The following ATP13A5 variants were observed in gnomAD, a reference collection of about 807,000 sequenced individuals.
The protein encoded by ATP13A5 is ATPase 13A5.
In ATP13A5, 149 loss-of-function variants were observed where a neutral mutation model predicts 150.2. That is an observed-to-expected ratio of 0.99 (90% CI 0.87 to 1.14). The LOEUF (loss-of-function observed/expected upper bound fraction) is 1.14, where lower values mean the gene tolerates loss of function less well. Among genes scored for constraint, ATP13A5 ranks in the 50% most tolerant of loss-of-function variants. The pLI is 0.00. For missense variants in ATP13A5, 1,383 were observed against 1,449.3 expected, an observed-to-expected ratio of 0.95 and a Z score of 0.74; for synonymous variants, 497 against 522.2, an observed-to-expected ratio of 0.95 and a Z score of 0.66.
chr3:193,309,398 C>T (rs1345186040), intron 21 of ATP13A5, among the ~76,000 whole-genome samples: 4 of 152,174 alleles, frequency 2.6e-5, no homozygotes, highest in Admixed American at 6.5e-5. Context: ...CTGCTACATC[C>T]AAGCATGGGA....
At chr3:193,330,823 A>T (rs1367507797) in intron 12 of ATP13A5, among the ~76,000 whole-genome samples, 1 of 152,246 alleles carries the variant, frequency 6.6e-6, no homozygotes, top group Non-Finnish European at 1.5e-5. Context: ...CTGCCAAGTC[A>T]GTCAGTCTAA....
At chr3:193,376,344 G>A (rs542885733) in intron 1 of ATP13A5, among the ~76,000 whole-genome samples, 5 of 152,196 alleles carry the variant, frequency 3.3e-5, no homozygotes, top group Admixed American at 1.3e-4. Flanking sequence ...GCCCTCACAT[G>A]GTAGAAGGGA....
intron 14 of ATP13A5, 74 bp from the exon 15 acceptor site, chr3:193,322,648 A>G: frequency 9.3e-7 from 1 of 1,075,952 alleles, no homozygotes; most frequent in Non-Finnish European, 1.4e-6. Flanking sequence ...TTATTTGCAC[A>G]ATACTTTAAT....
intron 21 of ATP13A5, 49 bp from the exon 22 acceptor site, chr3:193,307,418 C>T: frequency 1.9e-6 from 3 of 1,600,038 alleles, no homozygotes; most frequent in South Asian, 1.1e-5. Flanking sequence ...AAATGAACAG[C>T]TCACTTGAAT....
intron 17 of ATP13A5, among the ~76,000 whole-genome samples, chr3:193,315,805 A>G (rs1453880885): frequency 6.6e-6 from 1 of 152,172 alleles, no homozygotes; most frequent in Non-Finnish European, 1.5e-5. Flanking sequence ...CTGTGAAGCC[A>G]TTACCATAAT....
chr3:193,368,330 C>T (rs902615479), intron 1 of ATP13A5, among the ~76,000 whole-genome samples: 2 of 151,248 alleles, frequency 1.3e-5, no homozygotes, highest in Admixed American at 6.6e-5. Context: ...CCTAAATAAA[C>T]GAAGAGCTGT....
At chr3:193,293,784 T>A (rs1021353667) in intron 25 of ATP13A5, among the ~76,000 whole-genome samples, 1 of 152,086 alleles carries the variant, frequency 6.6e-6, no homozygotes. Context: ...GTTTGTATTT[T>A]CCATCAGATT....
At chr3:193,310,765 T>G in intron 20 of ATP13A5, 48 bp from the exon 21 acceptor site, 1 of 1,473,114 alleles carries the variant, frequency 6.8e-7, no homozygotes, top group Non-Finnish European at 9.3e-7. Flanking sequence ...AGAAGAAAAC[T>G]TTTAAAAATA....
At chr3:193,361,349 A>C (rs1228022740) in intron 5 of ATP13A5, among the ~76,000 whole-genome samples, 1 of 152,224 alleles carries the variant, frequency 6.6e-6, no homozygotes, top group South Asian at 2.1e-4. Context: ...CTTATAAACA[A>C]CAGATCAGTA....
At chr3:193,343,319 A>T (rs983683279) in intron 9 of ATP13A5, among the ~76,000 whole-genome samples, 1 of 152,202 alleles carries the variant, frequency 6.6e-6, no homozygotes, top group South Asian at 2.1e-4. Context: ...ATTCAAGTAG[A>T]CTTAACAAAG....
intron 1 of ATP13A5, among the ~76,000 whole-genome samples, chr3:193,376,192 C>T (rs572693547): frequency 3.9e-5 from 6 of 152,312 alleles, no homozygotes; most frequent in Admixed American, 3.9e-4. Context: ...TTTCTGGCTT[C>T]CCTCGATTTA....
chr3:193,326,879 G>T, intron 13 of ATP13A5, 117 bp downstream of exon 13: 1 of 864,284 alleles, frequency 1.2e-6, no homozygotes, highest in Non-Finnish European at 1.9e-6. Flanking sequence ...ACTAGTTCCA[G>T]CCAACTATTG....
intron 12 of ATP13A5, among the ~76,000 whole-genome samples, chr3:193,329,767 C>T (rs1409205395): frequency 6.6e-6 from 1 of 152,154 alleles, no homozygotes; most frequent in African/African-American, 2.4e-5. Context: ...TCATTGGAGT[C>T]ACTCCCATTT....
At chr3:193,289,435 C>A (rs1249981423) in intron 26 of ATP13A5, among the ~76,000 whole-genome samples, 1 of 152,114 alleles carries the variant, frequency 6.6e-6, no homozygotes, top group Admixed American at 6.6e-5. Context: ...AAATCTGATT[C>A]ATCACCTGAT....
intron 17 of ATP13A5, among the ~76,000 whole-genome samples, chr3:193,315,353 ATCTTCCAAC>A (rs1356755362): frequency 1.3e-5 from 2 of 152,174 alleles, no homozygotes; most frequent in Non-Finnish European, 2.9e-5. Context: ...CAATGTGCTT[ATCTTCCAAC>A]TCTTCTGTTG....
chr3:193,279,335 C>A, intron 28 of ATP13A5, 31 bp downstream of exon 28: 2 of 1,515,136 alleles, frequency 1.3e-6, no homozygotes, highest in South Asian at 2.3e-5. Context: ...GTACATGAGT[C>A]ATGCCAGATG....
intron 25 of ATP13A5, among the ~76,000 whole-genome samples, chr3:193,292,172 G>A (rs186805325): frequency 2.6e-5 from 4 of 152,192 alleles, no homozygotes; most frequent in African/African-American, 9.6e-5. Flanking sequence ...ACACAGTGTG[G>A]ACTGTGATCA....
At chr3:193,347,058 C>G (rs1241032902) in intron 7 of ATP13A5, among the ~76,000 whole-genome samples, 1 of 152,080 alleles carries the variant, frequency 6.6e-6, no homozygotes, top group Admixed American at 6.6e-5. Flanking sequence ...TGTAAACAGA[C>G]AACATTGAAT....
intron 18 of ATP13A5, 151 bp downstream of exon 18, chr3:193,314,821 A>G: frequency 3.2e-6 from 3 of 936,716 alleles, no homozygotes; most frequent in Non-Finnish European, 4.8e-6. Flanking sequence ...GGGCAGCTGC[A>G]CATGTTTTTA....
Sources: allele counts gnomAD v4.1 joint callset (sites outside exome capture counted in the v4.1 genomes callset), GRCh38; gene constraint gnomAD v4.1.1; transcripts MANE v1.5; gene names NCBI Gene and HGNC (gene_info 2026-07-23, HGNC 2026-07-21).